HLCS: variants seen among roughly 807,000 people sequenced by gnomAD.
The protein encoded by HLCS is holocarboxylase synthetase.
HLCS carries 53 observed loss-of-function variants against 75.0 expected under a neutral mutation model. The observed-to-expected ratio is 0.71, with a 90% CI of 0.57 to 0.89. The LOEUF (loss-of-function observed/expected upper bound fraction) is 0.89, where lower values mean the gene tolerates loss of function less well. HLCS is among the 40% of genes least tolerant of loss of function. The pLI, the probability that HLCS is intolerant of heterozygous loss-of-function variation, is 0.00. For missense variants in HLCS, 966 were observed against 1,074.0 expected (o/e 0.90, Z 1.41); for synonymous variants, 431 against 428.6 (o/e 1.01, Z -0.07).
At chr21:36,966,308 C>G (rs558080487) in intron 1 of HLCS, 136 bp downstream of exon 1, 2 of 276,722 alleles carry the variant, frequency 7.2e-6, no homozygotes, top group East Asian at 3.5e-4. Context: ...ACAGCCCCTC[C>G]CGGGCCGCAC....
intron 1 of HLCS, among the ~76,000 whole-genome samples, chr21:36,972,584 A>G (rs1276333505): frequency 6.6e-6 from 1 of 152,242 alleles, no homozygotes; most frequent in Non-Finnish European, 1.5e-5. Context: ...GTAACTGTAC[A>G]GTATCCATCT....
At chr21:36,807,551 G>A (rs1381897428) in intron 6 of HLCS, among the ~76,000 whole-genome samples, 3 of 152,204 alleles carry the variant, frequency 2.0e-5, no homozygotes, top group East Asian at 1.9e-4. Flanking sequence ...ACTGCCTGGT[G>A]TGGCTGCTGC....
chr21:36,865,793 G>C (rs1040541279), intron 6 of HLCS, among the ~76,000 whole-genome samples: 1 of 152,140 alleles, frequency 6.6e-6, no homozygotes, highest in Non-Finnish European at 1.5e-5. Flanking sequence ...TACCACACAA[G>C]TTTTTAATAC....
intron 6 of HLCS, among the ~76,000 whole-genome samples, chr21:36,816,656 G>A (rs2061673562): frequency 6.6e-6 from 1 of 152,150 alleles, no homozygotes. Flanking sequence ...TGAGGTCCCA[G>A]GACACACAGT....
At chr21:36,799,960 A>G (rs1214931511) in intron 6 of HLCS, among the ~76,000 whole-genome samples, 1 of 152,258 alleles carries the variant, frequency 6.6e-6, no homozygotes, top group Non-Finnish European at 1.5e-5. Context: ...GTAAACATTT[A>G]GACACGCAAG....
At chr21:36,777,271 C>G (rs929424738) in intron 6 of HLCS, among the ~76,000 whole-genome samples, 1 of 152,156 alleles carries the variant, frequency 6.6e-6, no homozygotes, top group Non-Finnish European at 1.5e-5. Flanking sequence ...TCCCCGAACC[C>G]TTTGGCAACC....
intron 6 of HLCS, among the ~76,000 whole-genome samples, chr21:36,794,837 G>A (rs574916605): frequency 2.7e-4 from 41 of 152,202 alleles, no homozygotes; most frequent in African/African-American, 8.9e-4. Flanking sequence ...GTGAGTTCAC[G>A]ACTTCTGGCA....
intron 2 of HLCS, among the ~76,000 whole-genome samples, chr21:36,958,159 C>T (rs1445256673): frequency 6.6e-6 from 1 of 150,880 alleles, no homozygotes; most frequent in Non-Finnish European, 1.5e-5. Flanking sequence ...AGGAGGATGG[C>T]GTCAACCTGG....
chr21:36,889,850 A>T (rs1237858931), intron 6 of HLCS, among the ~76,000 whole-genome samples: 5 of 152,204 alleles, frequency 3.3e-5, no homozygotes, highest in African/African-American at 1.2e-4. Context: ...CTGGCGTGAA[A>T]CAAAACTGGC....
rs547389370 is a variant in HLCS, at chr21:36,890,117, C to T, written c.1892+6743G>A. ...GCCGCCTTGTGAAGAAGGTGCCTTG[C>T]TTCCCTTCACCTTCCGCCACGATTG... is the stretch of plus-strand genomic sequence containing the variant. On this transcript the variant is annotated intron_variant, in intron 6 of 10. Transcript: ENST00000674895. Among the ~76,000 whole-genome samples the T allele has an allele frequency of 4.1e-4, 63 of 152,290 alleles. No individual in the cohort carries two copies. The Middle Eastern group carries it at 0.014, about 33-fold the overall frequency.
chr21:36,948,656 G>T (rs1414275283), intron 2 of HLCS, among the ~76,000 whole-genome samples: 1 of 135,604 alleles, frequency 7.4e-6, no homozygotes, highest in Non-Finnish European at 1.5e-5. Flanking sequence ...TTGAGCCCAG[G>T]AAGTAAAGGC....
intron 10 of HLCS, among the ~76,000 whole-genome samples, chr21:36,756,097 G>A (rs2123568068): frequency 6.6e-6 from 1 of 152,230 alleles, no homozygotes; most frequent in South Asian, 2.1e-4. Context: ...CTCTAACAGA[G>A]ACACAGAAAA....
chr21:36,958,240 CAA>C (rs146841900), intron 2 of HLCS, among the ~76,000 whole-genome samples: 5 of 133,324 alleles, frequency 3.8e-5, no homozygotes, highest in Admixed American at 7.4e-5. Flanking sequence ...GAGACTGTCT[CAA>C]AAAAAAAAAA....
At position 36,937,302 on chromosome 21, in the gene HLCS, G is replaced by A. The variant is rs777378181; in HGVS notation, c.584C>T (p.Ser195Phe). The change falls in exon 4 of 11, where the codon TCT becomes TTT. Residue 195 changes from serine to phenylalanine, a missense_variant. Ser to Phe is a radical substitution (Grantham distance 155). Coordinates refer to ENST00000674895, the MANE Select transcript of HLCS (RefSeq NM_001352514.2). ...GTCCTGCTCAGGCTTAATCTCAAGA[G>A]AAGGTTCAGGCTTCGGCTCTAGGAT... ...AQILEPKPEPSLEIKPEQDGM... is the reference protein window; with the variant it reads ...AQILEPKPEPFLEIKPEQDGM... The A allele has an allele frequency of 2.5e-6, 4 of 1,614,028 alleles. No homozygotes were observed. In the African/African-American group the frequency reaches 4.0e-5, roughly 16 times the overall value.
At chr21:36,789,408 C>T (rs73212604) in intron 6 of HLCS, among the ~76,000 whole-genome samples, 13,032 of 152,230 alleles carry the variant, frequency 0.086, 601 homozygotes, top group Middle Eastern at 0.11. Flanking sequence ...ATTTTAAATA[C>T]ATTTAATTAA....
At chr21:36,831,532 C>T (rs988595187) in intron 6 of HLCS, among the ~76,000 whole-genome samples, 4 of 151,886 alleles carry the variant, frequency 2.6e-5, no homozygotes, top group African/African-American at 9.7e-5. Context: ...ATACAAAAAA[C>T]ATTAGCCAGG....
In HLCS at chr21:36,858,911, A is replaced by T. The variant is rs1271014439; in HGVS notation, c.1892+37949T>A. On this transcript the variant is annotated intron_variant, in intron 6 of 10. Coordinates refer to ENST00000674895, the MANE Select transcript of HLCS (RefSeq NM_001352514.2). ...ATCATCCCCTCCCCAGGCTTGGGACATCTACAACAGGCTGGGAACCACTGG... is the reference window on the plus strand; with the variant it reads ...ATCATCCCCTCCCCAGGCTTGGGACTTCTACAACAGGCTGGGAACCACTGG... Among the ~76,000 whole-genome samples the T allele has an allele frequency of 7.9e-5, 12 of 152,226 alleles. 1 individual carries two copies.
chr21:36,909,897 T>C (rs2065626883), intron 5 of HLCS, among the ~76,000 whole-genome samples: 1 of 152,260 alleles, frequency 6.6e-6, no homozygotes, highest in South Asian at 2.1e-4. Context: ...TAATTGATCT[T>C]AACCCATAAA....
intron 1 of HLCS, among the ~76,000 whole-genome samples, chr21:36,976,103 C>T (rs371538269): frequency 3.3e-5 from 5 of 152,186 alleles, no homozygotes; most frequent in African/African-American, 9.6e-5. Flanking sequence ...GCTCTATACC[C>T]GACAAAAATA....
Sources: gnomAD v4.1 joint callset for allele counts (sites outside exome capture counted in the v4.1 genomes callset) on GRCh38, gnomAD v4.1.1 for gene constraint, MANE v1.5 for transcripts, NCBI Gene and HGNC (gene_info 2026-07-23, HGNC 2026-07-21) for gene names.